NDST4: variants seen among roughly 807,000 people sequenced by gnomAD.
The protein encoded by NDST4 is N-heparan sulfate sulfotransferase 4.
A neutral mutation model predicts 100.8 loss-of-function variants in NDST4; 63 were observed. That is an observed-to-expected ratio of 0.62 (90% CI 0.51 to 0.77). NDST4 has a LOEUF of 0.77. NDST4 is among the 30% of genes least tolerant of loss of function. The pLI is 0.00. For synonymous variants in NDST4, 377 were observed against 361.8 expected, an observed-to-expected ratio of 1.04 and a Z score of -0.48; for missense variants, 943 against 1,018.4, an observed-to-expected ratio of 0.93 and a Z score of 1.01.
chr4:114,984,961 C>A (rs117795623), intron 2 of NDST4, among the ~76,000 whole-genome samples: 4 of 152,160 alleles, frequency 2.6e-5, no homozygotes, highest in Non-Finnish European at 4.4e-5. Context: ...ACTGTTACTG[C>A]TACTCAAGGA....
At chr4:114,848,132 G>A in intron 9 of NDST4, 83 bp downstream of exon 9, 4 of 1,168,566 alleles carry the variant, frequency 3.4e-6, no homozygotes, top group Non-Finnish European at 4.8e-6. Context: ...TAATTATGCA[G>A]ATGCCACACA....
chr4:114,933,214 A>G (rs372494539), intron 6 of NDST4, among the ~76,000 whole-genome samples: 69 of 152,206 alleles, frequency 4.5e-4, no homozygotes, highest in African/African-American at 1.5e-3. Context: ...AAGAATACAG[A>G]ATGAGGAAAG....
chr4:115,068,696 A>G (rs2126286514), intron 2 of NDST4, among the ~76,000 whole-genome samples: 1 of 151,074 alleles, frequency 6.6e-6, no homozygotes, highest in East Asian at 2.0e-4. Flanking sequence ...GAGTGCCTGC[A>G]TTCCCAGCTA....
chr4:115,000,587 A>G (rs561116480), intron 2 of NDST4, among the ~76,000 whole-genome samples: 1 of 152,110 alleles, frequency 6.6e-6, no homozygotes, highest in Non-Finnish European at 1.5e-5. Context: ...AATACTTACT[A>G]TCTGTCTTTA....
At chr4:115,071,381 G>A (rs1001558711) in intron 2 of NDST4, among the ~76,000 whole-genome samples, 1 of 151,096 alleles carries the variant, frequency 6.6e-6, no homozygotes, top group Non-Finnish European at 1.5e-5. Context: ...TAATGCTCTT[G>A]CTATTCCAGT....
At chr4:115,016,246 C>T (rs1727674183) in intron 2 of NDST4, among the ~76,000 whole-genome samples, 1 of 152,028 alleles carries the variant, frequency 6.6e-6, no homozygotes, top group South Asian at 2.1e-4. Flanking sequence ...TCAGTTACAG[C>T]ACCAAGTAGG....
chr4:114,954,099 C>G (rs148549323), intron 4 of NDST4, among the ~76,000 whole-genome samples: 9 of 152,250 alleles, frequency 5.9e-5, no homozygotes, highest in African/African-American at 2.2e-4. Flanking sequence ...TTCACATACT[C>G]CATTTTCTAA....
At chr4:114,890,365 T>A (rs962626927) in intron 6 of NDST4, among the ~76,000 whole-genome samples, 3 of 152,050 alleles carry the variant, frequency 2.0e-5, no homozygotes, top group Non-Finnish European at 4.4e-5. Flanking sequence ...AAATAAATAA[T>A]AACAGGTGGT....
At chr4:114,916,098 C>T in intron 6 of NDST4, among the ~76,000 whole-genome samples, 1 of 152,070 alleles carries the variant, frequency 6.6e-6, no homozygotes, top group East Asian at 1.9e-4. Context: ...GATATTTATC[C>T]TTATGTTCTT....
chr4:114,971,963 T>C (rs1380004234), intron 3 of NDST4, among the ~76,000 whole-genome samples: 2 of 152,002 alleles, frequency 1.3e-5, no homozygotes, highest in Non-Finnish European at 2.9e-5. Context: ...TAGTGAAGAG[T>C]TGATGAGATT....
intron 2 of NDST4, among the ~76,000 whole-genome samples, chr4:114,993,597 A>G (rs569153710): frequency 6.6e-6 from 1 of 152,078 alleles, no homozygotes; most frequent in East Asian, 1.9e-4. Flanking sequence ...ACATAGAAAT[A>G]CATGTAAAAT....
At chr4:115,041,094 A>G (rs1246686066) in intron 2 of NDST4, among the ~76,000 whole-genome samples, 2 of 152,074 alleles carry the variant, frequency 1.3e-5, no homozygotes, top group Admixed American at 6.6e-5. Context: ...CAATGTCACT[A>G]TTTCACAACC....
At chr4:114,955,474 G>A (rs1348536540) in intron 4 of NDST4, among the ~76,000 whole-genome samples, 1 of 152,166 alleles carries the variant, frequency 6.6e-6, no homozygotes, top group Non-Finnish European at 1.5e-5. Context: ...GAGACAAAAT[G>A]TGACAGAATC....
At chr4:114,923,209 T>C (rs1725323360) in intron 6 of NDST4, among the ~76,000 whole-genome samples, 1 of 152,214 alleles carries the variant, frequency 6.6e-6, no homozygotes, top group South Asian at 2.1e-4. Context: ...CAGAAGTATT[T>C]GCTTTCCTCA....
intron 2 of NDST4, among the ~76,000 whole-genome samples, chr4:115,015,806 A>G (rs1245970753): frequency 6.6e-6 from 1 of 151,944 alleles, no homozygotes; most frequent in Non-Finnish European, 1.5e-5. Context: ...ATGGACTCCT[A>G]CTTACGAAGG....
At position 115,076,303 on chromosome 4, in the gene NDST4, GA is replaced by G; in HGVS notation, c.733del (p.Ser245HisfsTer12). On this transcript the variant is annotated frameshift_variant, in exon 2 of 14. Coordinates refer to ENST00000264363, the MANE Select transcript of NDST4 (RefSeq NM_022569.3). LOFTEE classifies it high-confidence loss of function. ...LTELQTEKSL[S>X]SLSSKTLFAT... ...AAAGAGTGTTTTGCTAGACAAGGAT[GA>G]CAGGGATTTTTCTGTCTGTAACTCA... The G allele has an allele frequency of 6.2e-7, 1 of 1,614,012 alleles. No individual in the cohort carries two copies. Among genetic ancestry groups the G allele is most frequent in the Non-Finnish European group, 8.5e-7 (1 of 1,179,938 alleles).
At chr4:115,044,325 A>G (rs1728417984) in intron 2 of NDST4, among the ~76,000 whole-genome samples, 1 of 152,172 alleles carries the variant, frequency 6.6e-6, no homozygotes, top group Non-Finnish European at 1.5e-5. Context: ...ATTCAGGGGC[A>G]ACAAACAGAC....
At chr4:115,095,477 A>G (rs1729601692) in intron 1 of NDST4, among the ~76,000 whole-genome samples, 1 of 152,028 alleles carries the variant, frequency 6.6e-6, no homozygotes, top group African/African-American at 2.4e-5. Flanking sequence ...TTAGTCTACT[A>G]TTGGGTCAGG....
chr4:114,998,603 G>C (rs549604972), intron 2 of NDST4, among the ~76,000 whole-genome samples: 50 of 152,170 alleles, frequency 3.3e-4, no homozygotes, highest in African/African-American at 1.1e-3. Context: ...AGGCTTTTAA[G>C]CCTCATTGCT....
Sources: allele counts gnomAD v4.1 joint callset (sites outside exome capture counted in the v4.1 genomes callset), GRCh38; gene constraint gnomAD v4.1.1; transcripts MANE v1.5; gene names NCBI Gene and HGNC (gene_info 2026-07-23, HGNC 2026-07-21).